The following TWSG1 variants were observed in gnomAD, a reference collection of about 807,000 sequenced individuals.
TWSG1 encodes twisted gastrulation protein homolog 1.
In TWSG1, 15 loss-of-function variants were observed where a neutral mutation model predicts 23.0. The observed-to-expected ratio is 0.65, with a 90% CI of 0.44 to 1.00. The LOEUF is 1.00. Ranked by LOEUF, TWSG1 falls within the 50% of genes least tolerant of loss-of-function variation. TWSG1 has a pLI of 0.00. For synonymous variants in TWSG1, 86 were observed against 92.8 expected, an observed-to-expected ratio of 0.93 and a Z score of 0.42; for missense variants, 242 against 278.7, an observed-to-expected ratio of 0.87 and a Z score of 0.94.
At chr18:9,359,903 TGC>T in intron 2 of TWSG1, 67 bp from the exon 3 acceptor site, 1 of 1,266,800 alleles carries the variant, frequency 7.9e-7, no homozygotes, top group South Asian at 1.3e-5. Context: ...CAGGGTTTTT[TGC>T]TTAAAAAGTA....
At chr18:9,391,757 A>C (rs1026394764) in intron 3 of TWSG1, among the ~76,000 whole-genome samples, 3 of 152,224 alleles carry the variant, frequency 2.0e-5, no homozygotes, top group South Asian at 2.1e-4. Flanking sequence ...TTTCTGAGAT[A>C]ATAAGACTTG....
chr18:9,368,932 A>T (rs1242402505), intron 3 of TWSG1, among the ~76,000 whole-genome samples: 1 of 151,766 alleles, frequency 6.6e-6, no homozygotes, highest in African/African-American at 2.4e-5. Context: ...TGGGCAACAG[A>T]GCGAGACTCT....
intron 3 of TWSG1, among the ~76,000 whole-genome samples, chr18:9,393,714 T>C (rs1014984923): frequency 3.9e-5 from 6 of 152,132 alleles, no homozygotes; most frequent in Non-Finnish European, 8.8e-5. Flanking sequence ...CGCATCATCA[T>C]GCTCAGCTAA....
At chr18:9,360,493 T>A (rs1384887389) in intron 3 of TWSG1, among the ~76,000 whole-genome samples, 2 of 152,198 alleles carry the variant, frequency 1.3e-5, no homozygotes, top group African/African-American at 4.8e-5. Flanking sequence ...AAAGAAAACT[T>A]ACGTGTGTAG....
rs370881303 is a variant in TWSG1 at position 9,352,924 on chromosome 18, T to C, written c.124-7048T>C. ...GACCAGAGCATCAGTTGTATAGTCA[T>C]GGCACTGTGTAACAACATTTTGGTC... On this transcript the variant is annotated intron_variant, in intron 2 of 4. Coordinates refer to ENST00000262120, the MANE Select transcript of TWSG1 (RefSeq NM_020648.6). Among the ~76,000 whole-genome samples, 48 of 152,358 alleles carry C rather than the reference T, an allele frequency of 3.2e-4. No individual in the cohort carries two copies. In the South Asian group the frequency reaches 8.7e-3, roughly 28 times the overall value.
rs11455481 is a variant in TWSG1, at chr18:9,400,303, C to CA, written c.*779dup. The CA allele has an allele frequency of 0.99, 150,311 of 152,286 alleles. 74,227 individuals are homozygous for CA. Among genetic ancestry groups the CA allele is most frequent in the Middle Eastern group, 1 (294 of 294 alleles). The allele number at this position is 152,286 out of a possible 1,614,324, so 9.4% of individuals were successfully genotyped here. ...ACTGCTGGTGTAAATAATTAGCAAG[C>CA]AAAGCGTTTCTGTGACTTCAGGTAC... On this transcript the variant is annotated 3_prime_UTR_variant, in exon 5 of 5. Coordinates refer to ENST00000262120, the MANE Select transcript of TWSG1 (RefSeq NM_020648.6).
chr18:9,350,444 A>AC (rs1188952013), intron 2 of TWSG1, among the ~76,000 whole-genome samples: 3 of 151,642 alleles, frequency 2.0e-5, no homozygotes, highest in African/African-American at 2.4e-5. Flanking sequence ...TTGTAAAATA[A>AC]CCCCCCCATT....
intron 2 of TWSG1, among the ~76,000 whole-genome samples, chr18:9,348,431 G>A (rs1032813621): frequency 6.6e-5 from 10 of 152,148 alleles, no homozygotes; most frequent in Non-Finnish European, 1.5e-4. Flanking sequence ...GGTATCCCCC[G>A]GATTATATTC....
intron 3 of TWSG1, among the ~76,000 whole-genome samples, chr18:9,385,721 A>T (rs1376773842): frequency 1.4e-5 from 2 of 148,098 alleles, no homozygotes; most frequent in African/African-American, 4.9e-5. Flanking sequence ...AAAAAAAAAA[A>T]GAAAGAACGA....
intron 3 of TWSG1, among the ~76,000 whole-genome samples, chr18:9,383,182 C>CG (rs1197923306): frequency 2.7e-4 from 20 of 74,174 alleles, no homozygotes; most frequent in East Asian, 9.1e-4. Context: ...CCGAATTACA[C>CG]GTTTTTTTTT....
At chr18:9,391,991 C>T (rs1331965823) in intron 3 of TWSG1, among the ~76,000 whole-genome samples, 1 of 152,220 alleles carries the variant, frequency 6.6e-6, no homozygotes, top group African/African-American at 2.4e-5. Context: ...AATGTGCTGT[C>T]ATCCAGGCTT....
At chr18:9,341,603 C>T (rs2040446506) in intron 2 of TWSG1, among the ~76,000 whole-genome samples, 1 of 152,060 alleles carries the variant, frequency 6.6e-6, no homozygotes, top group African/African-American at 2.4e-5. Flanking sequence ...CAGATAAGGT[C>T]ATAGCTCATC....
chr18:9,398,004 C>CA (rs573745689), intron 4 of TWSG1, among the ~76,000 whole-genome samples: 2,668 of 83,174 alleles, frequency 0.032, 44 homozygotes, highest in African/African-American at 0.037. Flanking sequence ...AACTCCATCT[C>CA]AAAAAAAAAA....
At chr18:9,352,651 C>T (rs1421041411) in intron 2 of TWSG1, among the ~76,000 whole-genome samples, 2 of 152,118 alleles carry the variant, frequency 1.3e-5, no homozygotes, top group Non-Finnish European at 2.9e-5. Flanking sequence ...ATGTTGTTTT[C>T]AATGACGTTT....
intron 3 of TWSG1, among the ~76,000 whole-genome samples, chr18:9,367,522 CT>C (rs932510466): frequency 6.6e-6 from 1 of 152,112 alleles, no homozygotes; most frequent in Non-Finnish European, 1.5e-5. Context: ...TCCCCAACCC[CT>C]GAGCCATGGA....
chr18:9,344,517 G>GTGTGTGGGTGTA (rs1555650744), intron 2 of TWSG1, among the ~76,000 whole-genome samples: 1 of 105,760 alleles, frequency 9.5e-6, no homozygotes, highest in African/African-American at 3.5e-5. Flanking sequence ...GTGTGTGTGT[G>GTGTGTGGGTGTA]TGTGTATGTA....
At chr18:9,351,556 T>C (rs1313313110) in intron 2 of TWSG1, among the ~76,000 whole-genome samples, 1 of 152,042 alleles carries the variant, frequency 6.6e-6, no homozygotes, top group Non-Finnish European at 1.5e-5. Context: ...AACTTAATGC[T>C]TTATATTTTT....
intron 2 of TWSG1, among the ~76,000 whole-genome samples, chr18:9,339,096 T>C (rs898136237): frequency 7.9e-5 from 12 of 152,008 alleles, no homozygotes; most frequent in Non-Finnish European, 1.5e-5. Flanking sequence ...TCTCAGCTAC[T>C]TGGGAGGCTG....
intron 1 of TWSG1, among the ~76,000 whole-genome samples, chr18:9,336,579 T>C (rs1221359659): frequency 6.6e-6 from 1 of 152,138 alleles, no homozygotes; most frequent in Non-Finnish European, 1.5e-5. Flanking sequence ...TTTAAAATTT[T>C]GTTTTGATTC....
Sources: allele counts gnomAD v4.1 joint callset (sites outside exome capture counted in the v4.1 genomes callset), GRCh38; gene constraint gnomAD v4.1.1; transcripts MANE v1.5; gene names NCBI Gene and HGNC (gene_info 2026-07-23, HGNC 2026-07-21).